The following NTN1 variants were observed in gnomAD, a reference collection of about 807,000 sequenced individuals.
NTN1 encodes the protein netrin-1.
NTN1 carries 11 observed loss-of-function variants against 54.2 expected under a neutral mutation model. The observed-to-expected ratio is 0.20, with a 90% CI of 0.13 to 0.34. The LOEUF is 0.34. Among genes scored for constraint, NTN1 ranks in the 10% least tolerant of loss-of-function variants. The pLI is 1.00. For synonymous variants in NTN1, 371 were observed against 382.0 expected (o/e 0.97, Z 0.33); for missense variants, 740 against 893.1 (o/e 0.83, Z 2.18).
intron 6 of NTN1, among the ~76,000 whole-genome samples, chr17:9,234,756 A>G (rs1413508180): frequency 6.6e-6 from 1 of 152,176 alleles, no homozygotes; most frequent in Non-Finnish European, 1.5e-5. Context: ...GCAGCCGTTG[A>G]GCACTTATGA....
chr17:9,149,646 C>T (rs2142287555), intron 2 of NTN1, among the ~76,000 whole-genome samples: 1 of 152,284 alleles, frequency 6.6e-6, no homozygotes, highest in South Asian at 2.1e-4. Flanking sequence ...CCCTGGAAGG[C>T]TGCACCAGCC....
intron 2 of NTN1, among the ~76,000 whole-genome samples, chr17:9,062,498 C>T (rs1160340789): frequency 6.6e-6 from 1 of 152,132 alleles, no homozygotes; most frequent in Non-Finnish European, 1.5e-5. Flanking sequence ...AAATATGGCT[C>T]CTCCAGGTGT....
intron 2 of NTN1, among the ~76,000 whole-genome samples, chr17:9,050,259 A>T (rs1032440861): frequency 2.6e-5 from 4 of 151,552 alleles, no homozygotes; most frequent in African/African-American, 7.3e-5. Flanking sequence ...AAAAATAAAA[A>T]AAAATAAAAA....
At chr17:9,127,004 G>C (rs976354724) in intron 2 of NTN1, among the ~76,000 whole-genome samples, 6 of 151,222 alleles carry the variant, frequency 4.0e-5, no homozygotes, top group African/African-American at 7.3e-5. Context: ...CATGGATCAG[G>C]GAGGCGGAGG....
intron 2 of NTN1, among the ~76,000 whole-genome samples, chr17:9,026,213 A>T (rs141114943): frequency 5.8e-4 from 89 of 152,366 alleles, no homozygotes; most frequent in African/African-American, 2.0e-3. Context: ...ATTTGACTGA[A>T]CAGTCCTTCG....
At chr17:9,232,748 C>T (rs186805758) in intron 6 of NTN1, among the ~76,000 whole-genome samples, 5 of 152,260 alleles carry the variant, frequency 3.3e-5, no homozygotes, top group South Asian at 4.1e-4. Flanking sequence ...CCCCCCGTCC[C>T]GGGTGTGGCG....
chr17:9,204,081 T>C (rs1423541203), intron 5 of NTN1, among the ~76,000 whole-genome samples: 1 of 152,166 alleles, frequency 6.6e-6, no homozygotes, highest in African/African-American at 2.4e-5. Context: ...ATGGCAGTCC[T>C]GTCCAGTCCT....
At chr17:9,235,324 G>A (rs1024955589) in intron 6 of NTN1, among the ~76,000 whole-genome samples, 6 of 152,270 alleles carry the variant, frequency 3.9e-5, no homozygotes, top group African/African-American at 7.2e-5. Flanking sequence ...TGACCTCACC[G>A]TCTGCCTTTC....
intron 2 of NTN1, among the ~76,000 whole-genome samples, chr17:9,026,648 C>T (rs2091872135): frequency 6.6e-6 from 1 of 151,982 alleles, no homozygotes; most frequent in East Asian, 1.9e-4. Flanking sequence ...GGCCCCTTCC[C>T]CCCTCCCCGC....
chr17:9,027,331 G>A (rs1007948410), intron 2 of NTN1, among the ~76,000 whole-genome samples: 31 of 152,126 alleles, frequency 2.0e-4, no homozygotes, highest in African/African-American at 7.2e-4. Context: ...TTTAATCACC[G>A]TGACTACGCT....
chr17:9,024,084 T>C (rs2151507151), intron 2 of NTN1, among the ~76,000 whole-genome samples: 1 of 152,382 alleles, frequency 6.6e-6, no homozygotes, highest in South Asian at 2.1e-4. Flanking sequence ...CCAGATTTTT[T>C]TTATTAGCTT....
chr17:9,021,470 G>C (rs1415622661), upstream of NTN1: 4 of 150,534 alleles, frequency 2.7e-5, no homozygotes, highest in Non-Finnish European at 5.9e-5. Flanking sequence ...GCCCCGCCCG[G>C]CGGCCCCGCC....
At position 9,041,273 on chromosome 17, in the gene NTN1, C is replaced by G. The variant is rs1307145211; in HGVS notation, c.1018+17882C>G. On this transcript the variant is annotated intron_variant, in intron 2 of 6. Transcript: ENST00000173229. The stretch of plus-strand genomic sequence containing the variant: ...TTAGTATGTTCGTCGATTGGTACAA[C>G]CATAACTGAAACTAATCCTATAACA... 2.0e-5 allele frequency among the ~76,000 whole-genome samples: 3 copies of G among 152,128 alleles called. No homozygotes were observed. In the East Asian group the frequency reaches 5.8e-4, roughly 29 times the overall value.
intron 2 of NTN1, among the ~76,000 whole-genome samples, chr17:9,035,349 T>C (rs1475993714): frequency 6.6e-6 from 1 of 152,250 alleles, no homozygotes. Context: ...AGTAGTTTCT[T>C]AGTTTCCATT....
rs985204979 is a variant in NTN1 at position 9,212,974 on chromosome 17, C to T, written c.1412-8194C>T. 6.6e-6 allele frequency among the ~76,000 whole-genome samples: 1 copy of T among 152,192 alleles called. No individual in the cohort carries two copies. Among genetic ancestry groups the T allele is most frequent in the Non-Finnish European group, 1.5e-5 (1 of 68,028 alleles). On this transcript the variant is annotated intron_variant, in intron 5 of 6. Transcript: ENST00000173229. This position sits in a 1 kb window ranked among gnomAD's most constrained non-coding sequence, Gnocchi z 5.5. ...GCAGGCCGGCTCAGCAGGATTTTGG[C>T]ACCTGGGGCACAGGAGGCAGACCAG...
intron 3 of NTN1, chr17:9,177,597 C>T (rs1181700280): frequency 6.6e-6 from 1 of 152,222 alleles, no homozygotes; most frequent in Non-Finnish European, 1.5e-5. Context: ...GGCCTGAGGC[C>T]CTGATGCTCA....
At chr17:9,228,116 G>A (rs1905663194) in intron 6 of NTN1, among the ~76,000 whole-genome samples, 3 of 152,126 alleles carry the variant, frequency 2.0e-5, no homozygotes, top group Admixed American at 6.5e-5. Flanking sequence ...AGGGGAGACC[G>A]ACATACAGAC....
rs1555578681 is a variant in NTN1, at chr17:9,226,163, G to GGGT, written c.1486+4923_1486+4924insTGG. Among the ~76,000 whole-genome samples the GGGT allele has an allele frequency of 2.1e-5, 3 of 142,264 alleles. 1 individual carries two copies. The highest frequency in any genetic ancestry group is 3.1e-5 in the Non-Finnish European group (2 of 64,134). 93.3% of individuals were successfully genotyped at this position (142,264 alleles called of 152,430 possible). On this transcript the variant is annotated intron_variant, in intron 6 of 6. Coordinates refer to ENST00000173229, the MANE Select transcript of NTN1 (RefSeq NM_004822.3). The stretch of plus-strand genomic sequence containing the variant: ...AAGCAAGGCAAAGGGATTTGGGGTC[G>GGGT]GGGGGGGGCCTCAGTGCCAAGGCCC...
chr17:9,210,115 T>C (rs572314479), intron 5 of NTN1, among the ~76,000 whole-genome samples: 139 of 152,202 alleles, frequency 9.1e-4, no homozygotes, highest in African/African-American at 3.3e-3. Context: ...ATCTCTCAGC[T>C]GCTGCCCCTG....
Sources: gnomAD v4.1 joint callset for allele counts (sites outside exome capture counted in the v4.1 genomes callset) on GRCh38, gnomAD v4.1.1 for gene constraint, Gnocchi (gnomAD v3.1) non-coding constraint, MANE v1.5 for transcripts, NCBI Gene and HGNC (gene_info 2026-07-23, HGNC 2026-07-21) for gene names.